USP21: variants seen among roughly 807,000 people sequenced by gnomAD.
The protein encoded by USP21 is ubiquitin carboxyl-terminal hydrolase 21.
A neutral mutation model predicts 70.8 loss-of-function variants in USP21; 37 were observed. The observed-to-expected ratio is 0.52, with a 90% CI of 0.40 to 0.69. The LOEUF is 0.69. Ranked by LOEUF, USP21 falls within the 30% of genes least tolerant of loss-of-function variation. USP21 has a pLI of 0.00. For synonymous variants in USP21, 263 were observed against 283.1 expected, an observed-to-expected ratio of 0.93 and a Z score of 0.71; for missense variants, 584 against 740.8, an observed-to-expected ratio of 0.79 and a Z score of 2.46.
rs1442728637 is a variant in USP21 at position 161,160,980 on chromosome 1, G to C, written c.340G>C (p.Val114Leu). The part of the protein sequence containing the change: ...SRTNLARSKS[V>L]SSGDLRPMGI... ...GACCAACTTAGCCCGTTCCAAGTCT[G>C]TGAGCAGTGGGGACTTGCGTCCAAT... The change falls in exon 3 of 14, where the codon GTG (valine) becomes CTG (leucine). Residue 114 changes from valine (V) to leucine (L), a missense_variant. Coordinates refer to ENST00000368002, the MANE Select transcript of USP21 (RefSeq NM_001014443.3). 3 of 1,614,260 alleles carry C rather than the reference G, an allele frequency of 1.9e-6. No individual in the cohort carries two copies. The highest frequency in any genetic ancestry group is 8.5e-7 in the Non-Finnish European group (1 of 1,180,044).
chr1:161,165,268 T>C, intron 13 of USP21, 89 bp from the exon 14 acceptor site: 1 of 1,443,174 alleles, frequency 6.9e-7, no homozygotes, highest in Non-Finnish European at 9.7e-7. Context: ...TGCCTGATCA[T>C]TTCCTGGATG....
At position 161,162,519 on chromosome 1, in the gene USP21, C is replaced by A; in HGVS notation, c.782-96C>A. The A allele has an allele frequency of 6.5e-7, 1 of 1,535,754 alleles. No individual in the cohort carries two copies. The highest frequency in any genetic ancestry group is 9.0e-7 in the Non-Finnish European group (1 of 1,115,322). The stretch of plus-strand genomic sequence containing the variant: ...TTGTATCTACTTTTCCCAGTGCCTA[C>A]TTTCCTAAAGGTTATTTTCTACCCT... On this transcript the variant is annotated intron_variant, in intron 5 of 13. Coordinates refer to ENST00000368002, the MANE Select transcript of USP21 (RefSeq NM_001014443.3). This position sits in a 1 kb window ranked among gnomAD's most constrained non-coding sequence, Gnocchi z 4.1.
chr1:161,164,125 A>G lies in USP21; in HGVS notation c.1219-39A>G, dbSNP rs1465115020. ...TGATTGAGAAGAGTTGGAAAAGGAA[A>G]TTCAGAACATGTTGACCTTTCTTCC... On this transcript the variant is annotated intron_variant, in intron 9 of 13. Coordinates refer to ENST00000368002, the MANE Select transcript of USP21 (RefSeq NM_001014443.3). This position sits in a 1 kb window ranked among gnomAD's most constrained non-coding sequence, Gnocchi z 4.2. The G allele has an allele frequency of 6.2e-7, 1 of 1,608,516 alleles. No homozygotes were observed. Among genetic ancestry groups the G allele is most frequent in the Non-Finnish European group, 8.5e-7 (1 of 1,175,020 alleles).
rs571357556 is a variant in USP21, at chr1:161,164,769, T to G, written c.1385-66T>G. The G allele has an allele frequency of 6.3e-7, 1 of 1,597,148 alleles. No homozygotes were observed. The highest frequency in any genetic ancestry group is 1.3e-5 in the African/African-American group (1 of 74,502). On this transcript the variant is annotated intron_variant, in intron 11 of 13. Coordinates refer to ENST00000368002, the MANE Select transcript of USP21 (RefSeq NM_001014443.3). This position sits in a 1 kb window ranked among gnomAD's most constrained non-coding sequence, Gnocchi z 4.2. ...TGTCGGGAGTGGGGAGAGGACAGCT[T>G]TCAGGATAGAAGAAGTTCCCCTCAG...
chr1:161,165,513 C>A lies in USP21; in HGVS notation c.*66C>A. 1 of 1,139,602 alleles carries A rather than the reference C, an allele frequency of 8.8e-7. No homozygotes were observed. The highest frequency in any genetic ancestry group is 1.3e-6 in the Non-Finnish European group (1 of 799,228). 70.6% of individuals were successfully genotyped at this position (1,139,602 alleles called of 1,614,324 possible). A position where few individuals can be genotyped will look rare whatever the true frequency, so the allele number is the denominator to read the frequency against. ...CTTAAGCCCCAGGCTCCCCGTTTAC[C>A]TCAGAGACGTCTATTTTTGTGTCTT... On this transcript the variant is annotated 3_prime_UTR_variant, in exon 14 of 14. Transcript: ENST00000368002.
In USP21 at chr1:161,162,420, C is replaced by A; in HGVS notation, c.781+30C>A. ...GGCAACAACTCCTGCTCCCTCTGTT[C>A]AAGTCCCTTTTTCCCCAACCACTTG... On this transcript the variant is annotated intron_variant, in intron 5 of 13. Transcript: ENST00000368002. The surrounding 1 kb of genome is among the most constrained non-coding windows in gnomAD (Gnocchi z 4.1). 6.3e-7 allele frequency: 1 copy of A among 1,577,638 alleles called. No homozygotes were observed. Among genetic ancestry groups the A allele is most frequent in the South Asian group, 1.2e-5 (1 of 85,174 alleles).
In USP21 at chr1:161,164,179, G is replaced by A. The variant is rs1658236474; in HGVS notation, c.1234G>A (p.Gly412Ser). Residue 412 changes from glycine to serine, a missense_variant, in exon 10 of 14, where the codon GGC (glycine) becomes AGC (serine). Gly to Ser is a moderately conservative substitution (Grantham distance 56, BLOSUM62 0). Transcript: ENST00000368002. This position sits in a 1 kb window ranked among gnomAD's most constrained non-coding sequence, Gnocchi z 4.2. ...TTTCCCCCAGAAAGGATTTGCTGGG[G>A]GCAAGGTGTCTCTGCGGGATTGTTT... ...LPIPKKGFAG[G>S]KVSLRDCFNL... 28 of 1,614,078 alleles carry A rather than the reference G, an allele frequency of 1.7e-5. No individual in the cohort carries two copies. Among genetic ancestry groups the A allele is most frequent in the Non-Finnish European group, 2.2e-5 (26 of 1,180,060 alleles).
Position 161,160,812 on chromosome 1 carries a change from C to T in USP21, c.172C>T (p.Leu58=). The T allele has an allele frequency of 6.2e-7, 1 of 1,614,232 alleles. No homozygotes were observed. The change falls in exon 3 of 14, where the codon CTG becomes TTG. Residue 58 remains leucine, a synonymous_variant. Coordinates refer to ENST00000368002, the MANE Select transcript of USP21 (RefSeq NM_001014443.3). ...MLRPLPPRPG[L]PDERLKKLEL... is the part of the protein sequence containing the mutation. ...ACGACCTCTGCCTCCCCGGCCAGGT[C>T]TGCCTGATGAACGGCTCAAGAAACT... is the stretch of plus-strand genomic sequence containing the variant.
At chr1:161,163,707 T>TG in intron 8 of USP21, 88 bp downstream of exon 8, 1 of 1,445,176 alleles carries the variant, frequency 6.9e-7, no homozygotes, top group South Asian at 1.2e-5. Flanking sequence ...TCAAGGGGTA[T>TG]GGGAACAAGA....
In USP21 at chr1:161,165,045, G is replaced by T; in HGVS notation, c.1509G>T (p.Gln503His). Residue 503 changes from glutamine to histidine, a missense_variant, in exon 13 of 14, where the codon CAG (glutamine) becomes CAT (histidine). By Grantham distance (24) the Gln-to-His change is conservative. Transcript: ENST00000368002. ...ASDKAGSPVY[Q>H]LYALCNHSGS... The stretch of plus-strand genomic sequence containing the variant: ...ACCCCGCAGGAAGTCCTGTATACCA[G>T]CTGTATGCCCTTTGCAACCACTCAG... 1 of 1,614,048 alleles carries T rather than the reference G, an allele frequency of 6.2e-7. No homozygotes were observed. Among genetic ancestry groups the T allele is most frequent in the Non-Finnish European group, 8.5e-7 (1 of 1,180,022 alleles).
intron 7 of USP21, 21 bp downstream of exon 7, chr1:161,163,095 CT>C: frequency 6.4e-7 from 1 of 1,566,128 alleles, no homozygotes; most frequent in South Asian, 1.2e-5. Context: ...TTCCCTCTAC[CT>C]CCTTTCCCCG....
Position 161,163,665 on chromosome 1 carries a change from G to C in USP21, c.1114+46G>C, listed in dbSNP as rs371240675. ...ATGAGGGAAAATTAGTGTGTGAGGG[G>C]GGTACAGGCTTGGGGGGAAAAATCG... is the stretch of plus-strand genomic sequence containing the variant. On this transcript the variant is annotated intron_variant, in intron 8 of 13. Transcript: ENST00000368002. The C allele has an allele frequency of 8.4e-5, 111 of 1,320,630 alleles. No individual in the cohort carries two copies. The Middle Eastern group carries it at 1.2e-3, about 14-fold the overall frequency. The allele number at this position is 1,320,630 out of a possible 1,614,324, so 81.8% of individuals were successfully genotyped here. A position where few individuals can be genotyped will look rare whatever the true frequency, so the allele number is the denominator to read the frequency against.
rs1658293989 is a variant in USP21 at position 161,164,390 on chromosome 1, C to T, written c.1305+140C>T. ...TTTGTGTTGGAGTCTCAGATCTGTT[C>T]TAGTACTCCTAGAGCAAAGGGGAGA... On this transcript the variant is annotated intron_variant, in intron 10 of 13. Coordinates refer to ENST00000368002, the MANE Select transcript of USP21 (RefSeq NM_001014443.3). The surrounding 1 kb of genome is among the most constrained non-coding windows in gnomAD (Gnocchi z 4.2). 2 of 1,300,706 alleles carry T rather than the reference C, an allele frequency of 1.5e-6. No individual in the cohort carries two copies. Among genetic ancestry groups the T allele is most frequent in the Non-Finnish European group, 1.1e-6 (1 of 910,836 alleles). 80.6% of individuals were successfully genotyped at this position (1,300,706 alleles called of 1,614,324 possible).
rs1192042949 is a variant in USP21 at position 161,162,788 on chromosome 1, G to C, written c.893+62G>C. 6.4e-7 allele frequency: 1 copy of C among 1,565,462 alleles called. No individual in the cohort carries two copies. Among genetic ancestry groups the C allele is most frequent in the Non-Finnish European group, 8.8e-7 (1 of 1,136,344 alleles). On this transcript the variant is annotated intron_variant, in intron 6 of 13. Coordinates refer to ENST00000368002, the MANE Select transcript of USP21 (RefSeq NM_001014443.3). This position sits in a 1 kb window ranked among gnomAD's most constrained non-coding sequence, Gnocchi z 4.1. ...CATGTCTGGGGGTAGGGCCAAGCAA[G>C]GGCCCTGGCAGCATTGTTCTGAGCC...
rs1332006216 is a variant in USP21, at chr1:161,164,915, C to CT, written c.1466dup (p.Gly490ArgfsTer6). On this transcript the variant is annotated frameshift_variant, in exon 12 of 14. Coordinates refer to ENST00000368002, the MANE Select transcript of USP21 (RefSeq NM_001014443.3). LOFTEE classifies it high-confidence loss of function. This position sits in a 1 kb window ranked among gnomAD's most constrained non-coding sequence, Gnocchi z 4.2. Reference sequence around the variant, plus strand: ...AGACTTTCCACTGCAGCGACTGAGCCTAGGGGACTTTGCCAGTGACAAAGC... The same window carrying CT: ...AGACTTTCCACTGCAGCGACTGAGCCTTAGGGGACTTTGCCAGTGACAAAGC... 6.2e-7 allele frequency: 1 copy of CT among 1,614,056 alleles called. No homozygotes were observed. Among genetic ancestry groups the CT allele is most frequent in the Admixed American group, 1.7e-5 (1 of 60,008 alleles).
chr1:161,162,554 C>T lies in USP21; in HGVS notation c.782-61C>T. 1.3e-6 allele frequency: 2 copies of T among 1,532,458 alleles called. No individual in the cohort carries two copies. Among genetic ancestry groups the T allele is most frequent in the South Asian group, 1.1e-5 (1 of 88,854 alleles). The allele number at this position is 1,532,458 out of a possible 1,614,324, so 94.9% of individuals were successfully genotyped here. On this transcript the variant is annotated intron_variant, in intron 5 of 13. Coordinates refer to ENST00000368002, the MANE Select transcript of USP21 (RefSeq NM_001014443.3). The surrounding 1 kb of genome is among the most constrained non-coding windows in gnomAD (Gnocchi z 4.1). ...GGTTATTTTCTACCCTCTGAGCCAC[C>T]TTTTGCTTGCCTCTTCCAGACATTA...
chr1:161,159,884 G>C (rs575502515), intron 1 of USP21, among the ~76,000 whole-genome samples: 1 of 152,216 alleles, frequency 6.6e-6, no homozygotes, highest in African/African-American at 2.4e-5. Flanking sequence ...TTCTGCCCTC[G>C]AGGGGGGCGG....
At position 161,161,410 on chromosome 1, in the gene USP21, T is replaced by C. The variant is rs1571280148; in HGVS notation, c.600+170T>C. The C allele has an allele frequency of 3.7e-6, 3 of 809,690 alleles. No individual in the cohort carries two copies. The highest frequency in any genetic ancestry group is 5.5e-5 in the East Asian group (2 of 36,118). The allele number at this position is 809,690 out of a possible 1,614,324, so 50.2% of individuals were successfully genotyped here. On this transcript the variant is annotated intron_variant, in intron 3 of 13. Transcript: ENST00000368002. This position sits in a 1 kb window ranked among gnomAD's most constrained non-coding sequence, Gnocchi z 4.2. ...AAATACCCTTGAGCCTCCTAGACCC[T>C]TTTTTGGGTTGTTGGTGACTCTTCA...
At position 161,162,454 on chromosome 1, in the gene USP21, T is replaced by A. The variant is rs1185322469; in HGVS notation, c.781+64T>A. ...TTTTCCCCAACCACTTGCAGGTCCATCTGCCACTGGTGGTGGCCCCCAACC... is the reference window on the plus strand; with the variant it reads ...TTTTCCCCAACCACTTGCAGGTCCAACTGCCACTGGTGGTGGCCCCCAACC... On this transcript the variant is annotated intron_variant, in intron 5 of 13. Transcript: ENST00000368002. The surrounding 1 kb of genome is among the most constrained non-coding windows in gnomAD (Gnocchi z 4.1). 1.9e-6 allele frequency: 3 copies of A among 1,565,956 alleles called. No individual in the cohort carries two copies. Among genetic ancestry groups the A allele is most frequent in the African/African-American group, 2.7e-5 (2 of 73,562 alleles).
Sources: allele counts gnomAD v4.1 joint callset (sites outside exome capture counted in the v4.1 genomes callset), GRCh38; gene constraint gnomAD v4.1.1; non-coding constraint Gnocchi (gnomAD v3.1); transcripts MANE v1.5; gene names NCBI Gene and HGNC (gene_info 2026-07-23, HGNC 2026-07-21).